Variants in MAN1A2 observed in about 807,000 individuals in gnomAD.
MAN1A2 encodes the protein mannosyl-oligosaccharide 1,2-alpha-mannosidase IB.
A neutral mutation model predicts 75.7 loss-of-function variants in MAN1A2; 26 were observed. The ratio of observed to expected loss-of-function variants is 0.34; its 90% confidence interval spans 0.25 to 0.48. MAN1A2 has a LOEUF of 0.48. Among genes scored for constraint, MAN1A2 ranks in the 20% least tolerant of loss-of-function variants. The probability of loss-of-function intolerance (pLI) is 0.99; values close to 1 mark genes in which losing one functional copy is unlikely to be tolerated. For missense variants in MAN1A2, 562 were observed against 775.5 expected (o/e 0.72, Z 3.27); for synonymous variants, 247 against 264.6 (o/e 0.93, Z 0.65).
chr1:117,433,026 TTAATG>T lies in MAN1A2; in HGVS notation c.856-9200_856-9196del, dbSNP rs1221199832. Among the ~76,000 whole-genome samples the T allele has an allele frequency of 4.6e-5, 7 of 151,212 alleles. No individual in the cohort carries two copies. The South Asian group carries it at 1.5e-3, about 31-fold the overall frequency. ...CAAAGTTAAAGATTTGAAAAAGCAGTTAATGTAATTAATCATATTAATTAACAATA... is the reference window on the plus strand; with the variant it reads ...CAAAGTTAAAGATTTGAAAAAGCAGTTAATTAATCATATTAATTAACAATA... On this transcript the variant is annotated intron_variant, in intron 5 of 12. Transcript: ENST00000356554.
At chr1:117,444,118 T>C (rs1649132123) in intron 6 of MAN1A2, among the ~76,000 whole-genome samples, 1 of 152,164 alleles carries the variant, frequency 6.6e-6, no homozygotes, top group Admixed American at 6.5e-5. Flanking sequence ...TTTCTGCTTC[T>C]TATCTTTCTC....
chr1:117,525,323 C>T lies in MAN1A2; in HGVS notation c.*2366C>T, dbSNP rs1167310342. 4.2e-6 allele frequency: 1 copy of T among 237,604 alleles called. No individual in the cohort carries two copies. The highest frequency in any genetic ancestry group is 8.9e-5 in the East Asian group (1 of 11,284). 14.7% of individuals were successfully genotyped at this position (237,604 alleles called of 1,614,324 possible). ...TTCCATTTTTTTATTCTCCTGAATA[C>T]CAAAGGCAATTAAAGTCAGCTACAA... is the stretch of plus-strand genomic sequence containing the variant. On this transcript the variant is annotated 3_prime_UTR_variant, in exon 13 of 13. Transcript: ENST00000356554.
chr1:117,448,713 A>G (rs1310494476), intron 6 of MAN1A2, among the ~76,000 whole-genome samples: 3 of 152,214 alleles, frequency 2.0e-5, no homozygotes, highest in African/African-American at 4.8e-5. Flanking sequence ...AAGCATATCC[A>G]GTGACCTATG....
chr1:117,442,893 C>A (rs1040936844), intron 6 of MAN1A2, among the ~76,000 whole-genome samples: 4 of 152,050 alleles, frequency 2.6e-5, no homozygotes, highest in Non-Finnish European at 4.4e-5. Context: ...GTTTTCTAAT[C>A]GAAAACATTG....
chr1:117,505,983 C>T (rs1239132903), intron 12 of MAN1A2, among the ~76,000 whole-genome samples: 2 of 151,346 alleles, frequency 1.3e-5, no homozygotes, highest in Non-Finnish European at 3.0e-5. Context: ...GATACAAAAA[C>T]ACTCAATCTG....
chr1:117,391,485 T>C (rs1444828522), intron 1 of MAN1A2, among the ~76,000 whole-genome samples: 1 of 152,232 alleles, frequency 6.6e-6, no homozygotes, highest in Non-Finnish European at 1.5e-5. Flanking sequence ...GTGTGACGTT[T>C]ATCATTGTTA....
In MAN1A2 at chr1:117,493,390, T is replaced by C. The variant is rs561694352; in HGVS notation, c.1284+128T>C. The C allele has an allele frequency of 6.9e-5, 38 of 553,074 alleles. No homozygotes were observed. The Middle Eastern group carries it at 1.3e-3, about 19-fold the overall frequency. The allele number at this position is 553,074 out of a possible 1,614,324, so 34.3% of individuals were successfully genotyped here. On this transcript the variant is annotated intron_variant, in intron 9 of 12. Transcript: ENST00000356554. ...GTAAATACATACAAACATTTTATTA[T>C]ATGCATTCACTGTAGAGTTTGTTAC... is the stretch of plus-strand genomic sequence containing the variant.
intron 8 of MAN1A2, among the ~76,000 whole-genome samples, chr1:117,485,889 A>G (rs930609713): frequency 2.6e-5 from 4 of 151,978 alleles, no homozygotes; most frequent in Admixed American, 1.3e-4. Context: ...CAGTTAGCCC[A>G]TCCTTCCTCA....
At chr1:117,502,474 G>C (rs188382970) in intron 11 of MAN1A2, among the ~76,000 whole-genome samples, 5 of 151,666 alleles carry the variant, frequency 3.3e-5, no homozygotes, top group Non-Finnish European at 5.9e-5. Flanking sequence ...CCTTGGAAGT[G>C]ATAAAATTGC....
chr1:117,438,383 C>CA (rs1648918378), intron 5 of MAN1A2, among the ~76,000 whole-genome samples: 1 of 151,958 alleles, frequency 6.6e-6, no homozygotes, highest in African/African-American at 2.4e-5. Context: ...ATAAAAGAGT[C>CA]AAAGAGTTAA....
intron 5 of MAN1A2, among the ~76,000 whole-genome samples, chr1:117,438,004 A>G (rs966780055): frequency 6.6e-6 from 1 of 152,206 alleles, no homozygotes; most frequent in Non-Finnish European, 1.5e-5. Context: ...TTGTACCCCT[A>G]TGGCTTATGG....
chr1:117,383,248 G>C (rs1178461214), intron 1 of MAN1A2, among the ~76,000 whole-genome samples: 7 of 149,132 alleles, frequency 4.7e-5, no homozygotes, highest in Non-Finnish European at 1.1e-4. Flanking sequence ...CTCTATTAAT[G>C]TGATATGTTA....
intron 5 of MAN1A2, among the ~76,000 whole-genome samples, chr1:117,426,733 T>C (rs933744701): frequency 3.3e-5 from 5 of 152,194 alleles, no homozygotes; most frequent in African/African-American, 7.2e-5. Flanking sequence ...TTTCATACCA[T>C]TGTAAAGTTG....
At chr1:117,465,011 A>G (rs78987818) in intron 7 of MAN1A2, among the ~76,000 whole-genome samples, 1,944 of 152,304 alleles carry the variant, frequency 0.013, 22 homozygotes, top group Non-Finnish European at 0.02. Flanking sequence ...AAATATCACC[A>G]TGAGAGAAAA....
chr1:117,507,581 T>G (rs188723158), intron 12 of MAN1A2, among the ~76,000 whole-genome samples: 4 of 151,844 alleles, frequency 2.6e-5, no homozygotes, highest in African/African-American at 4.8e-5. Flanking sequence ...TCTTCAAGAT[T>G]AAATGTATAG....
intron 1 of MAN1A2, among the ~76,000 whole-genome samples, chr1:117,368,754 A>C (rs901081825): frequency 3.3e-5 from 5 of 152,076 alleles, no homozygotes; most frequent in African/African-American, 1.2e-4. Flanking sequence ...TTGCGTTCAG[A>C]GTTGTGTCTA....
chr1:117,477,872 G>C (rs776101887), intron 8 of MAN1A2, among the ~76,000 whole-genome samples: 1 of 151,962 alleles, frequency 6.6e-6, no homozygotes, highest in Non-Finnish European at 1.5e-5. Flanking sequence ...ATGATTGTAT[G>C]TTTAGAAAAC....
At chr1:117,418,086 TC>T (rs1648066937) in intron 4 of MAN1A2, among the ~76,000 whole-genome samples, 1 of 152,014 alleles carries the variant, frequency 6.6e-6, no homozygotes, top group Non-Finnish European at 1.5e-5. Context: ...ACTTAACTCA[TC>T]CCCCTTTTGT....
At chr1:117,447,317 T>C (rs1649267703) in intron 6 of MAN1A2, among the ~76,000 whole-genome samples, 1 of 152,162 alleles carries the variant, frequency 6.6e-6, no homozygotes, top group South Asian at 2.1e-4. Flanking sequence ...CATAATATAA[T>C]GCTTATGAAA....
Sources: gnomAD v4.1 joint callset for allele counts (sites outside exome capture counted in the v4.1 genomes callset) on GRCh38, gnomAD v4.1.1 for gene constraint, MANE v1.5 for transcripts, NCBI Gene and HGNC (gene_info 2026-07-23, HGNC 2026-07-21) for gene names.